The following RAP1A variants were observed in gnomAD, a reference collection of about 807,000 sequenced individuals.
RAP1A encodes RAP1A, member of RAS oncogene family.
A neutral mutation model predicts 26.4 loss-of-function variants in RAP1A; 6 were observed. The observed-to-expected ratio is 0.23, with a 90% CI of 0.12 to 0.45. The LOEUF is 0.45. Among genes scored for constraint, RAP1A ranks in the 20% least tolerant of loss-of-function variants. The probability of loss-of-function intolerance (pLI) is 0.99; values close to 1 mark genes in which losing one functional copy is unlikely to be tolerated. For synonymous variants in RAP1A, 73 were observed against 79.4 expected (o/e 0.92, Z 0.43); for missense variants, 121 against 217.2 (o/e 0.56, Z 2.78).
At chr1:111,651,890 G>A (rs1204595486) in intron 1 of RAP1A, among the ~76,000 whole-genome samples, 1 of 152,004 alleles carries the variant, frequency 6.6e-6, no homozygotes, top group Middle Eastern at 3.4e-3. Flanking sequence ...GGGATTACAG[G>A]CGTGAGAGAC....
intron 1 of RAP1A, among the ~76,000 whole-genome samples, chr1:111,622,844 TCA>T (rs913494019): frequency 1.2e-4 from 19 of 152,192 alleles, no homozygotes; most frequent in African/African-American, 4.6e-4. Flanking sequence ...TCAGGGAGTT[TCA>T]CAGTCTGTCA....
upstream of RAP1A, chr1:111,619,678 G>C (rs777016036): frequency 2.6e-6 from 1 of 391,642 alleles, no homozygotes; most frequent in African/African-American, 2.1e-5. Flanking sequence ...ACTCCGGAAC[G>C]CCGTGGGGAA....
intron 1 of RAP1A, among the ~76,000 whole-genome samples, chr1:111,609,146 C>G (rs1481791674): frequency 1.3e-5 from 2 of 152,178 alleles, no homozygotes; most frequent in South Asian, 4.1e-4. Context: ...AAAGAACCCT[C>G]CAACTCCCAG....
chr1:111,593,411 C>T (rs1658505437), intron 1 of RAP1A, among the ~76,000 whole-genome samples: 1 of 152,120 alleles, frequency 6.6e-6, no homozygotes, highest in Non-Finnish European at 1.5e-5. Flanking sequence ...CTTCTTTGTA[C>T]TTTTTTGTTT....
At chr1:111,619,129 C>T (rs1659083488), upstream of RAP1A, among the ~76,000 whole-genome samples, 1 of 152,230 alleles carries the variant, frequency 6.6e-6, no homozygotes. Context: ...TTCACTGTTT[C>T]TGCAACATGG....
In RAP1A at chr1:111,619,835, C is replaced by T; in HGVS notation, c.-127C>T. ...GCCGCCGCCGCTCCCGCTGCTGTCG[C>T]CGCGCAGAGCCGGAGCAGGAGCCAC... On this transcript the variant is annotated 5_prime_UTR_variant, in exon 1 of 8. Coordinates refer to ENST00000369709, the MANE Select transcript of RAP1A (RefSeq NM_002884.4). 3 of 399,252 alleles carry T rather than the reference C, an allele frequency of 7.5e-6. No homozygotes were observed. The highest frequency in any genetic ancestry group is 8.8e-6 in the Non-Finnish European group (2 of 226,958). The allele number at this position is 399,252 out of a possible 1,614,324, so 24.7% of individuals were successfully genotyped here.
chr1:111,611,564 C>T (rs1658927024), intron 1 of RAP1A, among the ~76,000 whole-genome samples: 1 of 152,180 alleles, frequency 6.6e-6, no homozygotes, highest in Non-Finnish European at 1.5e-5. Flanking sequence ...AGCACTTATG[C>T]TGTATCAGTT....
chr1:111,646,420 TAAAA>T (rs34766711), intron 1 of RAP1A, among the ~76,000 whole-genome samples: 5 of 107,008 alleles, frequency 4.7e-5, no homozygotes, highest in African/African-American at 1.5e-4. Context: ...TTCCTTTTTG[TAAAA>T]AAAAAAAAAA....
At chr1:111,659,140 C>G (rs753904035) in intron 1 of RAP1A, among the ~76,000 whole-genome samples, 2 of 152,000 alleles carry the variant, frequency 1.3e-5, no homozygotes, top group African/African-American at 4.8e-5. Flanking sequence ...CCCCACTTAC[C>G]CATGGAGGAT....
intron 1 of RAP1A, among the ~76,000 whole-genome samples, chr1:111,558,174 G>T (rs951980232): frequency 6.6e-6 from 1 of 152,068 alleles, no homozygotes; most frequent in South Asian, 2.1e-4. Flanking sequence ...AGTCAATATG[G>T]AAATTTTTTT....
chr1:111,606,027 C>A (rs1291165525), intron 1 of RAP1A, among the ~76,000 whole-genome samples: 1 of 152,130 alleles, frequency 6.6e-6, no homozygotes, highest in Non-Finnish European at 1.5e-5. Flanking sequence ...AATGCCTCTG[C>A]GCAGTTTCCC....
At chr1:111,612,666 C>T (rs1658944078) in intron 1 of RAP1A, among the ~76,000 whole-genome samples, 1 of 152,066 alleles carries the variant, frequency 6.6e-6, no homozygotes, top group Non-Finnish European at 1.5e-5. Context: ...AATATAAAAG[C>T]CTTTGGAGTT....
rs568167840 is a variant in RAP1A, at chr1:111,591,855, A to G, written c.-28+49346A>G. Among the ~76,000 whole-genome samples the G allele has an allele frequency of 8.5e-5, 13 of 152,354 alleles. No homozygotes were observed. In the South Asian group the frequency reaches 2.3e-3, roughly 27 times the overall value. ...TAGGGTACATCCTACATCATGCTAC[A>G]TAAGAAAGATTTAACAGCCCAAACA... On this transcript the variant is annotated intron_variant, in intron 1 of 7. Transcript: ENST00000356415.
intron 1 of RAP1A, among the ~76,000 whole-genome samples, chr1:111,566,586 T>C (rs748849551): frequency 2.0e-5 from 3 of 152,234 alleles, no homozygotes; most frequent in Non-Finnish European, 2.9e-5. Flanking sequence ...CCTGGGCATC[T>C]TGTTTGTCTT....
At chr1:111,620,438 G>A (rs1659157318) in intron 1 of RAP1A, among the ~76,000 whole-genome samples, 1 of 152,196 alleles carries the variant, frequency 6.6e-6, no homozygotes, top group African/African-American at 2.4e-5. Context: ...GGCCCGCGGG[G>A]GCGGGGGGGA....
upstream of RAP1A, among the ~76,000 whole-genome samples, chr1:111,617,873 G>A (rs1475391771): frequency 6.6e-6 from 1 of 151,634 alleles, no homozygotes; most frequent in African/African-American, 2.4e-5. Flanking sequence ...GAGAAACCCC[G>A]TCTCTAATAA....
chr1:111,577,949 A>C (rs1235825779), intron 1 of RAP1A, among the ~76,000 whole-genome samples: 1 of 152,214 alleles, frequency 6.6e-6, no homozygotes. Flanking sequence ...TAAAAGACAC[A>C]GTCTTTGCAC....
chr1:111,704,450 A>G lies in RAP1A; in HGVS notation c.432A>G (p.Leu144=). ...LARQWCNCAF[L]ESSAKSKINV... Reference sequence around the variant, plus strand: ...GACAGTGGTGTAACTGTGCCTTTTTAGAATCTTCTGCAAAGTCAAAGATCA... The same window carrying G: ...GACAGTGGTGTAACTGTGCCTTTTTGGAATCTTCTGCAAAGTCAAAGATCA... Residue 144 remains leucine, a synonymous_variant, in exon 6 of 8, where the codon TTA becomes TTG. Coordinates refer to ENST00000369709, the MANE Select transcript of RAP1A (RefSeq NM_002884.4). 1 of 1,613,824 alleles carries G rather than the reference A, an allele frequency of 6.2e-7. No homozygotes were observed. The highest frequency in any genetic ancestry group is 1.3e-5 in the African/African-American group (1 of 75,038).
rs148607475 is a variant in RAP1A at position 111,627,083 on chromosome 1, A to G, written c.-28+7149A>G. ...TTCAGGATCTTTTTCAGTGGTTATA[A>G]CTGCTTAAACATTTTTTTTTCTGTT... On this transcript the variant is annotated intron_variant, in intron 1 of 7. Coordinates refer to ENST00000369709, the MANE Select transcript of RAP1A (RefSeq NM_002884.4). Among the ~76,000 whole-genome samples, 23 of 152,268 alleles carry G rather than the reference A, an allele frequency of 1.5e-4. No homozygotes were observed. In the East Asian group the frequency reaches 4.4e-3, roughly 29 times the overall value.
Sources: gnomAD v4.1 joint callset for allele counts (sites outside exome capture counted in the v4.1 genomes callset) on GRCh38, gnomAD v4.1.1 for gene constraint, MANE v1.5 for transcripts, NCBI Gene and HGNC (gene_info 2026-07-23, HGNC 2026-07-21) for gene names.